Variants in PPM1E observed in about 807,000 individuals in gnomAD.
The protein encoded by PPM1E is protein phosphatase, Mg2+/Mn2+ dependent 1E.
In PPM1E, 20 loss-of-function variants were observed where a neutral mutation model predicts 65.9. The ratio of observed to expected loss-of-function variants is 0.30; its 90% CI spans 0.21 to 0.44. The LOEUF (loss-of-function observed/expected upper bound fraction) is 0.44. PPM1E is among the 20% of genes least tolerant of loss of function. The pLI is 1.00. For synonymous variants in PPM1E, 352 were observed against 374.9 expected (o/e 0.94, Z 0.70); for missense variants, 713 against 953.1 (o/e 0.75, Z 3.32).
intron 1 of PPM1E, among the ~76,000 whole-genome samples, chr17:58,802,872 T>TG (rs2050271770): frequency 6.6e-6 from 1 of 152,118 alleles, no homozygotes; most frequent in African/African-American, 2.4e-5. Flanking sequence ...GATTTTTGTG[T>TG]GTTTTTTTTT....
At chr17:58,805,955 AAAAAACAAAAAAAAAAAAC>A (rs1180118290) in intron 1 of PPM1E, among the ~76,000 whole-genome samples, 1 of 102,694 alleles carries the variant, frequency 9.7e-6, no homozygotes, top group African/African-American at 4.6e-5. Context: ...CTGCTAAAAA[AAAAAACAAAAAAAAAAAAC>A]AAAAAAAAAA....
At chr17:58,764,265 G>C (rs920393161) in intron 1 of PPM1E, among the ~76,000 whole-genome samples, 35 of 151,746 alleles carry the variant, frequency 2.3e-4, no homozygotes, top group Non-Finnish European at 4.3e-4. Flanking sequence ...TTTTAGATTT[G>C]CTATTTTTTA....
intron 1 of PPM1E, among the ~76,000 whole-genome samples, chr17:58,939,844 G>A (rs1433955225): frequency 2.6e-5 from 4 of 152,034 alleles, no homozygotes; most frequent in Non-Finnish European, 5.9e-5. Flanking sequence ...ATTGCTTGAA[G>A]ATAAAAATGG....
intron 1 of PPM1E, among the ~76,000 whole-genome samples, chr17:58,798,230 G>GTTTTTTTTTTTTT (rs980535079): frequency 7.7e-6 from 1 of 130,042 alleles, no homozygotes; most frequent in African/African-American, 2.9e-5. Context: ...TTTTTTGTTT[G>GTTTTTTTTTTTTT]TTTTTTTTTT....
intron 1 of PPM1E, among the ~76,000 whole-genome samples, chr17:58,836,332 T>C (rs1035667210): frequency 1.1e-4 from 16 of 151,824 alleles, no homozygotes; most frequent in Non-Finnish European, 2.9e-5. Flanking sequence ...CTTATCTAAA[T>C]CAAAGAATTC....
chr17:58,931,066 T>TAAAAA lies in PPM1E; in HGVS notation c.465-24567_465-24563dup, dbSNP rs774968022. Among the ~76,000 whole-genome samples the TAAAAA allele has an allele frequency of 1.6e-4, 13 of 83,096 alleles. No individual in the cohort carries two copies. In the East Asian group the frequency reaches 3.3e-3, roughly 21 times the overall value. 54.5% of individuals were successfully genotyped at this position (83,096 alleles called of 152,430 possible). A position where few individuals can be genotyped will look rare whatever the true frequency, so the allele number is the denominator to read the frequency against. Reference sequence around the variant, plus strand: ...CCATCTCTACTAAAAATACAAAAATTAAAAAAAAAAAAAAAAAAAAGAAAG... The same window carrying TAAAAA: ...CCATCTCTACTAAAAATACAAAAATTAAAAAAAAAAAAAAAAAAAAAAAAAGAAAG... On this transcript the variant is annotated intron_variant, in intron 1 of 6. Transcript: ENST00000308249.
At chr17:58,961,021 CA>C (rs1340233594) in intron 2 of PPM1E, among the ~76,000 whole-genome samples, 5 of 151,900 alleles carry the variant, frequency 3.3e-5, no homozygotes, top group Admixed American at 1.3e-4. Context: ...TTTTTCTGCC[CA>C]AACTTGTCAA....
intron 1 of PPM1E, among the ~76,000 whole-genome samples, chr17:58,894,461 G>C (rs1444535575): frequency 6.6e-6 from 1 of 152,116 alleles, no homozygotes; most frequent in Non-Finnish European, 1.5e-5. Flanking sequence ...TGCTAGTATA[G>C]TTTGGTGACA....
intron 2 of PPM1E, among the ~76,000 whole-genome samples, chr17:58,960,027 A>G (rs906485487): frequency 6.6e-6 from 1 of 152,230 alleles, no homozygotes; most frequent in East Asian, 1.9e-4. Context: ...TCAGTTGTAC[A>G]TGATTACAAA....
At position 58,756,096 on chromosome 17, in the gene PPM1E, G is replaced by GGAGCCGGAACCC. The variant is rs1555607469; in HGVS notation, c.101_102insGCCGGAACCCGA (p.Pro41_Glu44dup). ...CGTGCGGCGGCGGCGAGCCGGAGCC[G>GGAGCCGGAACCC]GAACCCGAACCCGAACCCGAACCCG... On this transcript the variant is annotated inframe_insertion, in exon 1 of 7. Coordinates refer to ENST00000308249, the MANE Select transcript of PPM1E (RefSeq NM_014906.5). 4.4e-6 allele frequency: 7 copies of GGAGCCGGAACCC among 1,597,596 alleles called. No homozygotes were observed. The highest frequency in any genetic ancestry group is 1.7e-5 in the Admixed American group (1 of 58,012).
intron 1 of PPM1E, among the ~76,000 whole-genome samples, chr17:58,847,080 G>A (rs948646058): frequency 5.9e-5 from 9 of 152,106 alleles, no homozygotes; most frequent in African/African-American, 2.4e-5. Context: ...TTTGAGAAGT[G>A]TCTGTTCATA....
intron 1 of PPM1E, among the ~76,000 whole-genome samples, chr17:58,851,859 C>G (rs936277606): frequency 6.6e-6 from 1 of 152,254 alleles, no homozygotes; most frequent in Non-Finnish European, 1.5e-5. Context: ...TTTTGTTCAG[C>G]TATGCCCTGC....
intron 1 of PPM1E, among the ~76,000 whole-genome samples, chr17:58,763,516 A>G (rs1193520877): frequency 6.6e-6 from 1 of 152,176 alleles, no homozygotes; most frequent in East Asian, 1.9e-4. Flanking sequence ...GACAAAGAGT[A>G]CAAAATCTTG....
chr17:58,844,283 G>A (rs1314088227), intron 1 of PPM1E, among the ~76,000 whole-genome samples: 1 of 151,116 alleles, frequency 6.6e-6, no homozygotes, highest in Non-Finnish European at 1.5e-5. Flanking sequence ...CAATGTTTCT[G>A]GTATAAAAAA....
chr17:58,947,383 T>C (rs1463478741), intron 1 of PPM1E, among the ~76,000 whole-genome samples: 1 of 151,548 alleles, frequency 6.6e-6, no homozygotes, highest in Non-Finnish European at 1.5e-5. Flanking sequence ...ATTATAGGCG[T>C]GCACCACCAC....
intron 1 of PPM1E, among the ~76,000 whole-genome samples, chr17:58,935,291 T>C (rs2051964304): frequency 6.7e-6 from 1 of 149,532 alleles, no homozygotes; most frequent in South Asian, 2.1e-4. Flanking sequence ...AAGTTGATAA[T>C]GTCTATGCAA....
At chr17:58,780,580 G>A (rs962484561) in intron 1 of PPM1E, among the ~76,000 whole-genome samples, 1 of 152,144 alleles carries the variant, frequency 6.6e-6, no homozygotes, top group African/African-American at 2.4e-5. Context: ...TATCTTTAAT[G>A]AACTTTTGTA....
intron 1 of PPM1E, among the ~76,000 whole-genome samples, chr17:58,864,457 A>G (rs1281991121): frequency 1.1e-5 from 1 of 88,210 alleles, no homozygotes; most frequent in Non-Finnish European, 2.4e-5. Context: ...CCTGGCCAAC[A>G]TGGTGAAACC....
At chr17:58,813,267 A>G (rs2050386987) in intron 1 of PPM1E, among the ~76,000 whole-genome samples, 1 of 152,154 alleles carries the variant, frequency 6.6e-6, no homozygotes, top group Non-Finnish European at 1.5e-5. Flanking sequence ...TGCCTTGGCT[A>G]CCTTGTACAA....
Sources: gnomAD v4.1 joint callset for allele counts (sites outside exome capture counted in the v4.1 genomes callset) on GRCh38, gnomAD v4.1.1 for gene constraint, MANE v1.5 for transcripts, NCBI Gene and HGNC (gene_info 2026-07-23, HGNC 2026-07-21) for gene names.